Variants in ADAM32 observed in about 807,000 individuals in gnomAD.
ADAM32 encodes disintegrin and metalloproteinase domain-containing protein 32.
In ADAM32, 89 loss-of-function variants were observed where a neutral mutation model predicts 114.9. The observed-to-expected ratio is 0.77, with a 90% confidence interval of 0.65 to 0.92. The LOEUF (loss-of-function observed/expected upper bound fraction) is 0.92, where lower values mean the gene tolerates loss of function less well. ADAM32 is among the 40% of genes least tolerant of loss of function. ADAM32 has a pLI of 0.00. For synonymous variants in ADAM32, 285 were observed against 307.5 expected (o/e 0.93, Z 0.77); for missense variants, 870 against 932.8 (o/e 0.93, Z 0.88).
intron 17 of ADAM32, among the ~76,000 whole-genome samples, chr8:39,252,929 G>A (rs931726559): frequency 6.6e-6 from 1 of 151,586 alleles, no homozygotes. Context: ...ACTTTCTAGC[G>A]AAGAAAATCT....
intron 10 of ADAM32, among the ~76,000 whole-genome samples, chr8:39,182,525 G>A (rs753365002): frequency 3.3e-5 from 5 of 152,160 alleles, no homozygotes; most frequent in African/African-American, 4.8e-5. Flanking sequence ...TTTTTACGGT[G>A]AGAATGCTTA....
intron 22 of ADAM32, chr8:39,276,409 A>G (rs1813074079): frequency 6.6e-6 from 1 of 152,186 alleles, no homozygotes; most frequent in Non-Finnish European, 1.5e-5. Context: ...ATAATAACTC[A>G]GTAAGTATCT....
chr8:39,186,810 G>A (rs1806271090), intron 10 of ADAM32, 99 bp from the exon 11 acceptor site: 2 of 1,037,958 alleles, frequency 1.9e-6, no homozygotes, highest in African/African-American at 3.2e-5. Flanking sequence ...TAATTCTTTA[G>A]CATTTGATAA....
intron 14 of ADAM32, among the ~76,000 whole-genome samples, chr8:39,225,287 C>T (rs1362262387): frequency 6.6e-6 from 1 of 152,168 alleles, no homozygotes. Context: ...TTGCTCTACA[C>T]CCACATGTGC....
At chr8:39,224,049 C>T (rs1809175419) in intron 14 of ADAM32, 1 of 152,010 alleles carries the variant, frequency 6.6e-6, no homozygotes, top group South Asian at 2.1e-4. Flanking sequence ...TAAACACAGA[C>T]ATATATATAT....
chr8:39,249,560 A>G (rs1003630827), intron 17 of ADAM32, among the ~76,000 whole-genome samples: 3 of 152,178 alleles, frequency 2.0e-5, no homozygotes, highest in African/African-American at 7.2e-5. Flanking sequence ...AGAGATTGTA[A>G]GAGATTATAG....
intron 3 of ADAM32, among the ~76,000 whole-genome samples, chr8:39,138,649 T>C (rs1802953454): frequency 6.6e-6 from 1 of 152,220 alleles, no homozygotes; most frequent in Admixed American, 6.5e-5. Context: ...TGCATGTGTC[T>C]TTATAGTAGC....
chr8:39,180,651 A>G (rs1288361677), intron 10 of ADAM32, among the ~76,000 whole-genome samples: 1 of 152,168 alleles, frequency 6.6e-6, no homozygotes, highest in East Asian at 1.9e-4. Flanking sequence ...AAATACACCA[A>G]TTGGCACTCT....
intron 11 of ADAM32, among the ~76,000 whole-genome samples, chr8:39,207,362 T>G (rs1253997630): frequency 6.6e-6 from 1 of 152,190 alleles, no homozygotes; most frequent in African/African-American, 2.4e-5. Flanking sequence ...ATAATTTGAT[T>G]TATATATACT....
rs560700913 is a variant in ADAM32 at position 39,212,173 on chromosome 8, T to C, written c.1233+849T>C. 3.3e-5 allele frequency among the ~76,000 whole-genome samples: 5 copies of C among 152,142 alleles called. No homozygotes were observed. The South Asian group carries it at 8.3e-4, about 25-fold the overall frequency. ...CTGGGATTACAGGTGCCTGCCATCATGCCTGGCTAAGTTTGTATTTTTAGT... is the reference window on the plus strand; with the variant it reads ...CTGGGATTACAGGTGCCTGCCATCACGCCTGGCTAAGTTTGTATTTTTAGT... On this transcript the variant is annotated intron_variant, in intron 12 of 24. Coordinates refer to ENST00000379907, the MANE Select transcript of ADAM32 (RefSeq NM_145004.7).
rs185823120 is a variant in ADAM32 at position 39,125,528 on chromosome 8, A to G, written c.138+7363A>G. Reference sequence around the variant, plus strand: ...GAATTTCGAACTTGGAATTGATGCTAGAATGAGTTCTTCATCCTAGGGGTA... The same window carrying G: ...GAATTTCGAACTTGGAATTGATGCTGGAATGAGTTCTTCATCCTAGGGGTA... On this transcript the variant is annotated intron_variant, in intron 2 of 24. Transcript: ENST00000379907. 3.9e-5 allele frequency among the ~76,000 whole-genome samples: 6 copies of G among 152,308 alleles called. No individual in the cohort carries two copies. The East Asian group carries it at 1.2e-3, about 29-fold the overall frequency.
At chr8:39,176,552 T>C (rs907190287) in intron 10 of ADAM32, among the ~76,000 whole-genome samples, 1 of 152,170 alleles carries the variant, frequency 6.6e-6, no homozygotes, top group Non-Finnish European at 1.5e-5. Context: ...TTTGAGAGAC[T>C]GTTTGTTATG....
In ADAM32 at chr8:39,147,262, A is replaced by G. The variant is rs962726205; in HGVS notation, c.276+57A>G. The stretch of plus-strand genomic sequence containing the variant: ...TTTTAAATTTTTTTACATTAAATAA[A>G]TGCTTTATTATACAGAAGGCTCTCA... On this transcript the variant is annotated intron_variant, in intron 4 of 24. Coordinates refer to ENST00000379907, the MANE Select transcript of ADAM32 (RefSeq NM_145004.7). 9.8e-6 allele frequency: 7 copies of G among 713,964 alleles called. No individual in the cohort carries two copies. In the East Asian group the frequency reaches 1.8e-4, roughly 18 times the overall value. 44.2% of individuals were successfully genotyped at this position (713,964 alleles called of 1,614,324 possible). A position where few individuals can be genotyped will look rare whatever the true frequency, so the allele number is the denominator to read the frequency against.
chr8:39,157,731 C>T, intron 6 of ADAM32: 5 of 1,341,060 alleles, frequency 3.7e-6, no homozygotes, highest in African/African-American at 1.4e-5. Context: ...TAGTTCCCAC[C>T]ACACAGCACT....
chr8:39,223,275 ATTG>A, intron 14 of ADAM32, 37 bp downstream of exon 14: 1 of 1,385,924 alleles, frequency 7.2e-7, no homozygotes. Flanking sequence ...AGCCCTTAAC[ATTG>A]TTATTAACAT....
At chr8:39,166,063 A>G (rs918788254) in intron 9 of ADAM32, 1 of 152,062 alleles carries the variant, frequency 6.6e-6, no homozygotes, top group African/African-American at 2.4e-5. Context: ...TTTTTTCCCC[A>G]TAAGTTATTG....
At chr8:39,144,019 C>T (rs1803343154) in intron 3 of ADAM32, among the ~76,000 whole-genome samples, 1 of 152,222 alleles carries the variant, frequency 6.6e-6, no homozygotes, top group African/African-American at 2.4e-5. Flanking sequence ...GGCATGGGAC[C>T]TGCTGAGGCA....
At chr8:39,275,952 C>A in intron 22 of ADAM32, 86 bp downstream of exon 22, 1 of 1,292,542 alleles carries the variant, frequency 7.7e-7, no homozygotes, top group Non-Finnish European at 1.1e-6. Flanking sequence ...CAATTACTTG[C>A]TAACTATTAA....
chr8:39,208,537 T>A (rs892548468), intron 11 of ADAM32, among the ~76,000 whole-genome samples: 1 of 152,220 alleles, frequency 6.6e-6, no homozygotes, highest in Non-Finnish European at 1.5e-5. Context: ...TTAGCATTCT[T>A]TTCTGTCAGA....
Sources: allele counts gnomAD v4.1 joint callset (sites outside exome capture counted in the v4.1 genomes callset), GRCh38; gene constraint gnomAD v4.1.1; transcripts MANE v1.5; gene names NCBI Gene and HGNC (gene_info 2026-07-23, HGNC 2026-07-21).